Variants in PARK7 observed in about 807,000 individuals in gnomAD.
PARK7 encodes Parkinsonism associated deglycase.
PARK7 carries 14 observed loss-of-function variants against 20.5 expected under a neutral mutation model. The observed-to-expected ratio is 0.68, with a 90% CI of 0.45 to 1.07. The LOEUF (loss-of-function observed/expected upper bound fraction) is 1.07. Ranked by LOEUF, PARK7 falls within the 50% of genes least tolerant of loss-of-function variation. The pLI, the probability that PARK7 is intolerant of heterozygous loss-of-function variation, is 0.00. For synonymous variants in PARK7, 98 were observed against 84.3 expected (o/e 1.16, Z -0.89); for missense variants, 234 against 238.1 (o/e 0.98, Z 0.11).
chr1:7,965,237 ATC>A (rs1640299356), intron 2 of PARK7, 85 bp from the exon 3 acceptor site: 4 of 1,243,580 alleles, frequency 3.2e-6, no homozygotes, highest in Non-Finnish European at 4.7e-6. Flanking sequence ...GTGAGACCCC[ATC>A]TCTCTTTTTT....
At position 7,985,198 on chromosome 1, in the gene PARK7, C is replaced by G. The variant is rs1020218271; in HGVS notation, c.*144C>G. 9.4e-5 allele frequency: 102 copies of G among 1,082,564 alleles called. 1 individual carries two copies. Among genetic ancestry groups the G allele is most frequent in the Non-Finnish European group, 1.4e-4 (100 of 737,712 alleles). 67.1% of individuals were successfully genotyped at this position (1,082,564 alleles called of 1,614,324 possible). The stretch of plus-strand genomic sequence containing the variant: ...TTTTGCGGAAGTATGGAAGTCACAA[C>G]TACACAGAGATTTCTCAGCCTACAA... On this transcript the variant is annotated 3_prime_UTR_variant, in exon 7 of 7. Coordinates refer to ENST00000338639, the MANE Select transcript of PARK7 (RefSeq NM_007262.5).
intron 3 of PARK7, among the ~76,000 whole-genome samples, chr1:7,966,303 C>T (rs1316444764): frequency 6.6e-6 from 1 of 151,936 alleles, no homozygotes; most frequent in African/African-American, 2.4e-5. Flanking sequence ...AAGTTTAATC[C>T]TTTCTAATAA....
In PARK7 at chr1:7,984,766, A is replaced by G. The variant is rs1640783454; in HGVS notation, c.410-128A>G. ...CTTCTAAGAGCTTGGAGTGCCTAGT[A>G]AATGTTTTTGAATGGTTAGCTACAG... On this transcript the variant is annotated intron_variant, in intron 6 of 6. Coordinates refer to ENST00000338639, the MANE Select transcript of PARK7 (RefSeq NM_007262.5). This position sits in a 1 kb window ranked among gnomAD's most constrained non-coding sequence, Gnocchi z 4.3. 6 of 1,160,136 alleles carry G rather than the reference A, an allele frequency of 5.2e-6. No individual in the cohort carries two copies. Among genetic ancestry groups the G allele is most frequent in the African/African-American group, 1.5e-5 (1 of 66,128 alleles). The allele number at this position is 1,160,136 out of a possible 1,614,324, so 71.9% of individuals were successfully genotyped here. A position where few individuals can be genotyped will look rare whatever the true frequency, so the allele number is the denominator to read the frequency against.
intron 2 of PARK7, 29 bp downstream of exon 2, chr1:7,962,904 C>T (rs771392059): frequency 6.5e-7 from 1 of 1,545,202 alleles, no homozygotes; most frequent in South Asian, 1.1e-5. Context: ...TTTAGCCATT[C>T]CTGTTTTAAA....
chr1:7,985,276 C>A lies in PARK7; in HGVS notation c.*222C>A. The A allele has an allele frequency of 1.7e-6, 1 of 575,822 alleles. No homozygotes were observed. The highest frequency in any genetic ancestry group is 2.0e-5 in the South Asian group (1 of 50,398). 35.7% of individuals were successfully genotyped at this position (575,822 alleles called of 1,614,324 possible). Reference sequence around the variant, plus strand: ...TTTGCAGAATAAACAGGGCATTTAGCAAACTACTGATTGTTTCTTGTTTTG... The same window carrying A: ...TTTGCAGAATAAACAGGGCATTTAGAAAACTACTGATTGTTTCTTGTTTTG... On this transcript the variant is annotated 3_prime_UTR_variant, in exon 7 of 7. Coordinates refer to ENST00000338639, the MANE Select transcript of PARK7 (RefSeq NM_007262.5).
intron 6 of PARK7, among the ~76,000 whole-genome samples, chr1:7,981,554 A>G (rs1640708417): frequency 6.6e-6 from 1 of 152,218 alleles, no homozygotes; most frequent in Non-Finnish European, 1.5e-5. Flanking sequence ...ACAGTACTAA[A>G]CACGCAGGGT....
chr1:7,965,245 T>G, intron 2 of PARK7, 79 bp from the exon 3 acceptor site: 2 of 1,363,422 alleles, frequency 1.5e-6, no homozygotes, highest in Non-Finnish European at 2.1e-6. Flanking sequence ...CCATCTCTCT[T>G]TTTTCTTTTT....
intron 6 of PARK7, chr1:7,982,737 T>G (rs1640737958): frequency 6.6e-6 from 1 of 152,236 alleles, no homozygotes; most frequent in African/African-American, 2.4e-5. Context: ...TTGGCCTGGT[T>G]TAACCATCAG....
At chr1:7,967,427 T>C (rs1640353034) in intron 3 of PARK7, among the ~76,000 whole-genome samples, 1 of 152,242 alleles carries the variant, frequency 6.6e-6, no homozygotes, top group Admixed American at 6.5e-5. Context: ...ATTGGATACA[T>C]GCCAAGTAGT....
intron 2 of PARK7, among the ~76,000 whole-genome samples, chr1:7,963,516 T>C (rs1385711172): frequency 6.6e-6 from 1 of 151,838 alleles, no homozygotes; most frequent in African/African-American, 2.4e-5. Context: ...CAGCTGGGAT[T>C]ACAGGTGTCC....
At chr1:7,968,516 T>G (rs1449802292) in intron 3 of PARK7, among the ~76,000 whole-genome samples, 1 of 152,022 alleles carries the variant, frequency 6.6e-6, no homozygotes, top group African/African-American at 2.4e-5. Context: ...GTTTCTCTAT[T>G]AATTTTATTT....
intron 3 of PARK7, among the ~76,000 whole-genome samples, chr1:7,967,801 T>C (rs891220749): frequency 2.6e-5 from 4 of 152,072 alleles, no homozygotes; most frequent in African/African-American, 9.7e-5. Flanking sequence ...ATGCCTGTAG[T>C]CCTAGCTCCT....
chr1:7,978,392 GTTTT>G (rs34698566), intron 6 of PARK7, among the ~76,000 whole-genome samples: 1 of 136,252 alleles, frequency 7.3e-6, no homozygotes, highest in African/African-American at 2.7e-5. Context: ...CCTGTGTGTG[GTTTT>G]TTTTTTTTTT....
intron 3 of PARK7, among the ~76,000 whole-genome samples, chr1:7,967,065 A>G (rs1313173346): frequency 6.6e-6 from 1 of 151,970 alleles, no homozygotes; most frequent in Non-Finnish European, 1.5e-5. Flanking sequence ...CCCTATCCCC[A>G]CTTTCTCCTA....
rs370370394 is a variant in PARK7, at chr1:7,962,740, CTTT to C, written c.-23-6_-23-4del. 2.5e-3 allele frequency: 2,861 copies of C among 1,143,316 alleles called. No homozygotes were observed. The highest frequency in any genetic ancestry group is 2.7e-3 in the Admixed American group (104 of 38,748). 70.8% of individuals were successfully genotyped at this position (1,143,316 alleles called of 1,614,324 possible). ...GGTTGCAATGAAAGTTTTTTGAAAT[CTTT>C]TTTTTTTTTTTTTTTTAAGGCTTGT... On this transcript the variant is annotated intron_variant, in intron 1 of 6. Transcript: ENST00000338639.
At chr1:7,978,517 C>T (rs893746655) in intron 6 of PARK7, among the ~76,000 whole-genome samples, 3 of 151,556 alleles carry the variant, frequency 2.0e-5, no homozygotes, top group African/African-American at 7.3e-5. Flanking sequence ...CTCAGCCTCC[C>T]GAGTAGCTGG....
chr1:7,976,694 C>T (rs1640589904), intron 5 of PARK7, among the ~76,000 whole-genome samples: 2 of 152,076 alleles, frequency 1.3e-5, no homozygotes, highest in African/African-American at 2.4e-5. Flanking sequence ...GGTGGATGAA[C>T]GAGTGTTAAT....
chr1:7,965,737 A>G (rs1330576782), intron 3 of PARK7, among the ~76,000 whole-genome samples: 8 of 152,312 alleles, frequency 5.3e-5, no homozygotes, highest in African/African-American at 9.6e-5. Flanking sequence ...TTTCTGGCTT[A>G]CACAGGCATC....
At chr1:7,977,347 G>A (rs992911434) in intron 5 of PARK7, among the ~76,000 whole-genome samples, 8 of 152,194 alleles carry the variant, frequency 5.3e-5, no homozygotes, top group Admixed American at 1.3e-4. Context: ...TCAGCAAATC[G>A]TTTGTTATAA....
Sources: gnomAD v4.1 joint callset for allele counts (sites outside exome capture counted in the v4.1 genomes callset) on GRCh38, gnomAD v4.1.1 for gene constraint, Gnocchi (gnomAD v3.1) non-coding constraint, MANE v1.5 for transcripts, NCBI Gene and HGNC (gene_info 2026-07-23, HGNC 2026-07-21) for gene names.